SEMA6D: variants seen among roughly 807,000 people sequenced by gnomAD.
The protein encoded by SEMA6D is semaphorin 6D, also known as semaphorin-6D.
Under a neutral mutation model 106.6 loss-of-function variants are expected in SEMA6D, and 35 were observed. That is an observed-to-expected ratio of 0.33 (90% CI 0.25 to 0.44). SEMA6D has a LOEUF of 0.44. Among genes scored for constraint, SEMA6D ranks in the 20% least tolerant of loss-of-function variants. The pLI, the probability that SEMA6D is intolerant of heterozygous loss-of-function variation, is 1.00. For synonymous variants in SEMA6D, 499 were observed against 487.7 expected, an observed-to-expected ratio of 1.02 and a Z score of -0.31; for missense variants, 1,185 against 1,345.9, an observed-to-expected ratio of 0.88 and a Z score of 1.87.
intron 4 of SEMA6D, among the ~76,000 whole-genome samples, chr15:47,656,973 C>A (rs2077809691): frequency 6.6e-6 from 1 of 152,154 alleles, no homozygotes; most frequent in African/African-American, 2.4e-5. Flanking sequence ...AGAGAATACC[C>A]TGTGTAATGT....
intron 4 of SEMA6D, among the ~76,000 whole-genome samples, chr15:47,639,087 G>T (rs1467377443): frequency 1.3e-5 from 2 of 152,154 alleles, no homozygotes; most frequent in African/African-American, 4.8e-5. Flanking sequence ...TCTGCCTGGG[G>T]TTTTAAACTA....
chr15:47,564,476 TA>T (rs1360318452), intron 3 of SEMA6D, among the ~76,000 whole-genome samples: 2 of 152,246 alleles, frequency 1.3e-5, no homozygotes, highest in Non-Finnish European at 2.9e-5. Flanking sequence ...GAATTTTTTT[TA>T]TAACTTGTTT....
intron 2 of SEMA6D, among the ~76,000 whole-genome samples, chr15:47,464,060 AAATTTACTC>A (rs2042589765): frequency 6.6e-6 from 1 of 152,112 alleles, no homozygotes; most frequent in Non-Finnish European, 1.5e-5. Flanking sequence ...TCCCCTTTTT[AAATTTACTC>A]ATTCACATAT....
chr15:47,545,723 G>A (rs1204540970), intron 3 of SEMA6D, among the ~76,000 whole-genome samples: 3 of 152,070 alleles, frequency 2.0e-5, no homozygotes, highest in Non-Finnish European at 4.4e-5. Context: ...AGAGCTAGGT[G>A]GAAAATAATG....
chr15:47,584,811 A>T (rs1343617961), intron 3 of SEMA6D, among the ~76,000 whole-genome samples: 1 of 152,186 alleles, frequency 6.6e-6, no homozygotes, highest in Non-Finnish European at 1.5e-5. Context: ...TCATTCATGC[A>T]TGTATTCATT....
At chr15:47,207,745 C>T (rs1450379414) in intron 1 of SEMA6D, among the ~76,000 whole-genome samples, 1 of 152,066 alleles carries the variant, frequency 6.6e-6, no homozygotes, top group East Asian at 1.9e-4. Context: ...GAGAAAAGGG[C>T]TCTAAATTGT....
chr15:47,202,439 T>A (rs1038413162), intron 1 of SEMA6D, among the ~76,000 whole-genome samples: 3 of 151,968 alleles, frequency 2.0e-5, no homozygotes, highest in Admixed American at 1.3e-4. Context: ...AAGGGAAGAA[T>A]GCCTCAAGTG....
chr15:47,225,939 A>G (rs1020984982), intron 1 of SEMA6D, among the ~76,000 whole-genome samples: 3 of 152,060 alleles, frequency 2.0e-5, no homozygotes, highest in East Asian at 1.9e-4. Flanking sequence ...TAACACAGTA[A>G]TGTTGCTATA....
At chr15:47,454,707 T>G (rs1384951046) in intron 2 of SEMA6D, among the ~76,000 whole-genome samples, 1 of 151,932 alleles carries the variant, frequency 6.6e-6, no homozygotes, top group South Asian at 2.1e-4. Flanking sequence ...AGCAACCTAA[T>G]ATGCCAACTT....
chr15:47,480,367 C>T (rs921716487), intron 3 of SEMA6D, among the ~76,000 whole-genome samples: 2 of 152,002 alleles, frequency 1.3e-5, no homozygotes. Flanking sequence ...TCTCCATGGT[C>T]GACATGACAA....
At chr15:47,254,753 T>A (rs1379597731) in intron 1 of SEMA6D, among the ~76,000 whole-genome samples, 1 of 152,172 alleles carries the variant, frequency 6.6e-6, no homozygotes, top group Non-Finnish European at 1.5e-5. Context: ...TCTTTGCATC[T>A]CTGGGATGAA....
At chr15:47,688,959 GAC>G (rs1286540643) in intron 4 of SEMA6D, among the ~76,000 whole-genome samples, 2 of 152,208 alleles carry the variant, frequency 1.3e-5, no homozygotes, top group Non-Finnish European at 2.9e-5. Context: ...AGTTGGCAAA[GAC>G]AGTGTAAACC....
chr15:47,408,478 T>TA (rs746412514), intron 1 of SEMA6D, among the ~76,000 whole-genome samples: 6 of 152,124 alleles, frequency 3.9e-5, no homozygotes, highest in Non-Finnish European at 8.8e-5. Context: ...TCCTTATCTA[T>TA]AAAAAAGGGT....
chr15:47,390,812 T>C (rs1483161566), intron 1 of SEMA6D, among the ~76,000 whole-genome samples: 1 of 152,202 alleles, frequency 6.6e-6, no homozygotes, highest in Admixed American at 6.5e-5. Context: ...TTTACTAGCT[T>C]TGGAATCTGT....
rs528097557 is a variant in SEMA6D at position 47,389,811 on chromosome 15, A to G, written c.-238-22582A>G. Among the ~76,000 whole-genome samples the G allele has an allele frequency of 1.1e-3, 173 of 152,292 alleles. 4 individuals carry two copies. In the South Asian group the frequency reaches 0.035, roughly 31 times the overall value. ...ATGTAACTCATTAGTGAGTATTATT[A>G]GTTCTGCCTCCAAGATTTATTTCAA... On this transcript the variant is annotated intron_variant, in intron 1 of 19. Coordinates refer to the SEMA6D transcript ENST00000558014.
chr15:47,418,063 A>G (rs1361069336), intron 2 of SEMA6D, among the ~76,000 whole-genome samples: 2 of 152,116 alleles, frequency 1.3e-5, no homozygotes, highest in Non-Finnish European at 2.9e-5. Context: ...GTGCAAAAAG[A>G]AAAAAGAGGA....
chr15:47,416,939 G>T (rs2040986876), intron 2 of SEMA6D, among the ~76,000 whole-genome samples: 1 of 152,058 alleles, frequency 6.6e-6, no homozygotes, highest in Non-Finnish European at 1.5e-5. Flanking sequence ...GACATTTTTG[G>T]TGTAATAAAG....
intron 1 of SEMA6D, among the ~76,000 whole-genome samples, chr15:47,288,322 C>G (rs1442866703): frequency 6.6e-6 from 1 of 152,160 alleles, no homozygotes; most frequent in Non-Finnish European, 1.5e-5. Flanking sequence ...TCTCACATTC[C>G]AGTGCCCTGT....
At chr15:47,558,081 ATCATT>A (rs1452920623) in intron 3 of SEMA6D, among the ~76,000 whole-genome samples, 1 of 152,098 alleles carries the variant, frequency 6.6e-6, no homozygotes, top group East Asian at 1.9e-4. Context: ...TACTGGACAC[ATCATT>A]TCACTTCACT....
Sources: gnomAD v4.1 joint callset for allele counts (sites outside exome capture counted in the v4.1 genomes callset) on GRCh38, gnomAD v4.1.1 for gene constraint, MANE v1.5 for transcripts, NCBI Gene and HGNC (gene_info 2026-07-23, HGNC 2026-07-21) for gene names.